Variants in ATP5ME observed in about 807,000 individuals in gnomAD.
ATP5ME encodes ATP synthase F(0) complex subunit e, mitochondrial.
A neutral mutation model predicts 11.6 loss-of-function variants in ATP5ME; 10 were observed. That is an observed-to-expected ratio of 0.86 (90% confidence interval 0.53 to 1.46). The LOEUF (loss-of-function observed/expected upper bound fraction) is 1.46. Ranked by LOEUF, ATP5ME falls within the 40% of genes most tolerant of loss-of-function variation. ATP5ME has a pLI of 0.00. For synonymous variants in ATP5ME, 45 were observed against 33.5 expected (o/e 1.34, Z -1.19); for missense variants, 115 against 85.4 (o/e 1.35, Z -1.37).
chr4:673,397 G>A lies in ATP5ME; in HGVS notation c.96C>T (p.Tyr32=), dbSNP rs1738618507. The A allele has an allele frequency of 1.9e-6, 3 of 1,614,110 alleles. No homozygotes were observed. The highest frequency in any genetic ancestry group is 1.1e-5 in the South Asian group (1 of 91,078). The change falls in exon 3 of 4, where the codon TAC becomes TAT. Residue 32 remains tyrosine (Y), a synonymous_variant. Transcript: ENST00000304312. ...TCTCCTCTTCTGCCCGAGGTTTTAGGTAATCTGTTTGGCGGAATGCAGGAG... is the reference window on the plus strand; with the variant it reads ...TCTCCTCTTCTGCCCGAGGTTTTAGATAATCTGTTTGGCGGAATGCAGGAG... ...GVAYGATRYN[Y]LKPRAEEERR... is the part of the protein sequence containing the mutation.
chr4:672,939 G>C (rs966718074), intron 3 of ATP5ME, among the ~76,000 whole-genome samples: 2 of 152,188 alleles, frequency 1.3e-5, no homozygotes, highest in Admixed American at 6.5e-5. Context: ...GTAGAAATGG[G>C]GTTTCACCAT....
chr4:672,979 C>CTCA (rs1248658356), intron 3 of ATP5ME, among the ~76,000 whole-genome samples: 1 of 152,254 alleles, frequency 6.6e-6, no homozygotes, highest in African/African-American at 2.4e-5. Context: ...AACTCCAGAG[C>CTCA]TCAGGCAATC....
At chr4:673,536 A>G (rs1577321297) in intron 2 of ATP5ME, 135 bp from the exon 3 acceptor site, 1 of 1,458,356 alleles carries the variant, frequency 6.9e-7, no homozygotes, top group Admixed American at 2.0e-5. Context: ...TGTTAATGCG[A>G]GTCAACGCCT....
intron 3 of ATP5ME, 77 bp from the exon 4 acceptor site, chr4:672,596 A>ATT (rs367766081): frequency 4.4e-3 from 4,936 of 1,128,856 alleles, no homozygotes; most frequent in South Asian, 9.8e-3. Context: ...CTTCCCAGTT[A>ATT]TTTTTTTTTT....
In ATP5ME at chr4:673,350, T is replaced by G; in HGVS notation, c.143A>C (p.Lys48Thr). Reference protein sequence around the residue: ...EEERRIAAEEKKKQDELKRIA... With the variant: ...EEERRIAAEETKKQDELKRIA... Reference sequence around the variant, plus strand: ...CCGTTTCAGTTCATCCTGCTTCTTCTTCTCTTCTGCTGCTATCCTCCTCTC... The same window carrying G: ...CCGTTTCAGTTCATCCTGCTTCTTCGTCTCTTCTGCTGCTATCCTCCTCTC... The change falls in exon 3 of 4, where the codon AAG (lysine) becomes ACG (threonine). Residue 48 changes from lysine (K) to threonine (T), a missense_variant. By Grantham distance (78) the Lys-to-Thr change is moderately conservative. Coordinates refer to ENST00000304312, the MANE Select transcript of ATP5ME (RefSeq NM_007100.4). The G allele has an allele frequency of 1.2e-6, 2 of 1,614,238 alleles. No homozygotes were observed. The highest frequency in any genetic ancestry group is 1.7e-6 in the Non-Finnish European group (2 of 1,180,028).
At chr4:673,696 A>G in intron 2 of ATP5ME, 4 of 803,296 alleles carry the variant, frequency 5.0e-6, no homozygotes, top group Non-Finnish European at 7.9e-6. Flanking sequence ...GTTTTCACCA[A>G]GAAGCAGCCG....
intron 1 of ATP5ME, 108 bp from the exon 2 acceptor site, chr4:674,074 G>A: frequency 1.4e-6 from 2 of 1,441,274 alleles, no homozygotes; most frequent in South Asian, 1.3e-5. Context: ...AGGGGTGGGG[G>A]TCCGGTCGCC....
At chr4:673,508 T>C (rs1032184195) in intron 2 of ATP5ME, 107 bp from the exon 3 acceptor site, 9 of 1,563,906 alleles carry the variant, frequency 5.8e-6, no homozygotes, top group Non-Finnish European at 6.9e-6. Context: ...CAGACGCACC[T>C]GCTGTTCCCG....
intron 3 of ATP5ME, among the ~76,000 whole-genome samples, chr4:672,744 A>C (rs1262544452): frequency 1.3e-5 from 2 of 151,994 alleles, no homozygotes; most frequent in Non-Finnish European, 2.9e-5. Flanking sequence ...TGCACCCGCC[A>C]TCATGCCTGG....
chr4:673,694 C>T (rs899801294), intron 2 of ATP5ME: 29 of 798,570 alleles, frequency 3.6e-5, no homozygotes, highest in Non-Finnish European at 5.2e-5. Flanking sequence ...CCGTTTTCAC[C>T]AAGAAGCAGC....
chr4:673,994 G>A (rs1738654891), intron 1 of ATP5ME, 28 bp from the exon 2 acceptor site: 3 of 1,541,624 alleles, frequency 1.9e-6, no homozygotes, highest in South Asian at 2.4e-5. Flanking sequence ...CAGAGGCGGC[G>A]CGAAACGGGG....
At position 672,465 on chromosome 4, in the gene ATP5ME, C is replaced by A; in HGVS notation, c.*35G>T. ...ACACAACACAGGAAGCTTTATTCAT[C>A]CGCTGCTGGTCCAAAGAGTGGGTCG... On this transcript the variant is annotated 3_prime_UTR_variant, in exon 4 of 4. Coordinates refer to ENST00000304312, the MANE Select transcript of ATP5ME (RefSeq NM_007100.4). 1 of 1,613,728 alleles carries A rather than the reference C, an allele frequency of 6.2e-7. No homozygotes were observed. The highest frequency in any genetic ancestry group is 8.5e-7 in the Non-Finnish European group (1 of 1,179,820).
At chr4:672,548 C>T in intron 3 of ATP5ME, 29 bp from the exon 4 acceptor site, 14 of 1,612,010 alleles carry the variant, frequency 8.7e-6, no homozygotes, top group Non-Finnish European at 1.2e-5. Context: ...AAGAAAAGCA[C>T]ATGTTACCAC....
At position 673,310 on chromosome 4, in the gene ATP5ME, C is replaced by A; in HGVS notation, c.183G>T (p.Leu61Phe). The stretch of plus-strand genomic sequence containing the variant: ...AGCCAGTGTCACTCGTACCTTCTGC[C>A]AATTCTCTGGCAATCCGTTTCAGTT... Reference protein sequence around the residue: ...QDELKRIARELAEDDSILK With the variant: ...QDELKRIAREFAEDDSILK Residue 61 changes from leucine to phenylalanine, a missense_variant, in exon 3 of 4, where the codon TTG (leucine) becomes TTT (phenylalanine). Coordinates refer to ENST00000304312, the MANE Select transcript of ATP5ME (RefSeq NM_007100.4). 1 of 1,614,184 alleles carries A rather than the reference C, an allele frequency of 6.2e-7. No individual in the cohort carries two copies. The highest frequency in any genetic ancestry group is 1.3e-5 in the African/African-American group (1 of 75,066).
In ATP5ME at chr4:673,323, A is replaced by G. The variant is rs902011351; in HGVS notation, c.170T>C (p.Ile57Thr). The G allele has an allele frequency of 5.6e-6, 9 of 1,614,066 alleles. No homozygotes were observed. In the African/African-American group the frequency reaches 6.7e-5, roughly 12 times the overall value. The change falls in exon 3 of 4, where the codon ATT becomes ACT. Residue 57 changes from isoleucine (I) to threonine (T), a missense_variant. Coordinates refer to ENST00000304312, the MANE Select transcript of ATP5ME (RefSeq NM_007100.4). ...EKKKQDELKR[I>T]ARELAEDDSI... ...CGTACCTTCTGCCAATTCTCTGGCAATCCGTTTCAGTTCATCCTGCTTCTT... is the reference window on the plus strand; with the variant it reads ...CGTACCTTCTGCCAATTCTCTGGCAGTCCGTTTCAGTTCATCCTGCTTCTT...
At chr4:672,908 C>T (rs544573589) in intron 3 of ATP5ME, among the ~76,000 whole-genome samples, 22 of 152,330 alleles carry the variant, frequency 1.4e-4, no homozygotes, top group South Asian at 6.2e-4. Flanking sequence ...CCACCATGCC[C>T]GGCTGATTTT....
chr4:674,068 G>A lies in ATP5ME; in HGVS notation c.37-102C>T, dbSNP rs982998472. ...TCGCTGGGCAGAGGTCGCAGGAGGGGTGGGGGTCCGGTCGCCGGGCGAGGG... is the reference window on the plus strand; with the variant it reads ...TCGCTGGGCAGAGGTCGCAGGAGGGATGGGGGTCCGGTCGCCGGGCGAGGG... On this transcript the variant is annotated intron_variant, in intron 1 of 3. Transcript: ENST00000304312. 3.4e-6 allele frequency: 5 copies of A among 1,466,270 alleles called. No homozygotes were observed. In the African/African-American group the frequency reaches 7.1e-5, roughly 21 times the overall value. The allele number at this position is 1,466,270 out of a possible 1,614,324, so 90.8% of individuals were successfully genotyped here. A position where few individuals can be genotyped will look rare whatever the true frequency, so the allele number is the denominator to read the frequency against.
At chr4:674,028 G>A (rs1323783566) in intron 1 of ATP5ME, 62 bp from the exon 2 acceptor site, 2 of 1,527,070 alleles carry the variant, frequency 1.3e-6, no homozygotes, top group Middle Eastern at 2.2e-4. Context: ...GGTCGCGGGA[G>A]GAGGGGGGGC....
chr4:673,177 C>A, intron 3 of ATP5ME, 126 bp downstream of exon 3: 1 of 1,474,786 alleles, frequency 6.8e-7, no homozygotes, highest in South Asian at 1.3e-5. Flanking sequence ...GCCACCACGC[C>A]TGGCCAGCTT....
Sources: gnomAD v4.1 joint callset for allele counts (sites outside exome capture counted in the v4.1 genomes callset) on GRCh38, gnomAD v4.1.1 for gene constraint, MANE v1.5 for transcripts, NCBI Gene and HGNC (gene_info 2026-07-23, HGNC 2026-07-21) for gene names.